STAT1: variants seen among roughly 807,000 people sequenced by gnomAD.
The protein encoded by STAT1 is signal transducer and activator of transcription 1-alpha/beta.
In STAT1, 24 loss-of-function variants were observed where a neutral mutation model predicts 111.7. The observed-to-expected ratio is 0.21, with a 90% CI of 0.16 to 0.30. The LOEUF (loss-of-function observed/expected upper bound fraction) is 0.30, where lower values mean the gene tolerates loss of function less well. Ranked by LOEUF, STAT1 falls within the 10% of genes least tolerant of loss-of-function variation. STAT1 has a pLI of 1.00. For synonymous variants in STAT1, 332 were observed against 326.5 expected, an observed-to-expected ratio of 1.02 and a Z score of -0.18; for missense variants, 351 against 911.9, an observed-to-expected ratio of 0.38 and a Z score of 7.92.
rs548682544 is a variant in STAT1 at position 190,983,162 on chromosome 2, G to A, written c.1446+480C>T. Reference sequence around the variant, plus strand: ...TTAAACAGAAACACACATAAACAATGTTATGCATTGATGGGTTGACAAAAA... The same window carrying A: ...TTAAACAGAAACACACATAAACAATATTATGCATTGATGGGTTGACAAAAA... On this transcript the variant is annotated intron_variant, in intron 17 of 24. Coordinates refer to ENST00000361099, the MANE Select transcript of STAT1 (RefSeq NM_007315.4). The surrounding 1 kb of genome is among the most constrained non-coding windows in gnomAD (Gnocchi z 5.7). Among the ~76,000 whole-genome samples, 14 of 152,292 alleles carry A rather than the reference G, an allele frequency of 9.2e-5. No individual in the cohort carries two copies. The highest frequency in any genetic ancestry group is 6.5e-4 in the Admixed American group (10 of 15,304).
chr2:190,972,338 A>G (rs1488256043), intron 24 of STAT1, among the ~76,000 whole-genome samples: 3 of 152,258 alleles, frequency 2.0e-5, no homozygotes, highest in African/African-American at 4.8e-5. Context: ...GACTGGTTCT[A>G]TTACAGTCCC....
Position 190,993,392 on chromosome 2 carries a change from G to C in STAT1, c.944+1669C>G, listed in dbSNP as rs1693546767. 5.8e-6 allele frequency: 8 copies of C among 1,368,296 alleles called. No homozygotes were observed. The Admixed American group carries it at 1.2e-4, about 20-fold the overall frequency. 84.8% of individuals were successfully genotyped at this position (1,368,296 alleles called of 1,614,324 possible). A position where few individuals can be genotyped will look rare whatever the true frequency, so the allele number is the denominator to read the frequency against. ...TGTGTTCCATATTTGAAGCTTGATTGTTTTCCCGTCTAACTCTATAGTTCT... is the reference window on the plus strand; with the variant it reads ...TGTGTTCCATATTTGAAGCTTGATTCTTTTCCCGTCTAACTCTATAGTTCT... On this transcript the variant is annotated intron_variant, in intron 10 of 24. Coordinates refer to ENST00000361099, the MANE Select transcript of STAT1 (RefSeq NM_007315.4). This position sits in a 1 kb window ranked among gnomAD's most constrained non-coding sequence, Gnocchi z 4.1.
Position 190,977,621 on chromosome 2 carries a change from G to C in STAT1, c.1874-596C>G, listed in dbSNP as rs1043115884. 6.6e-6 allele frequency among the ~76,000 whole-genome samples: 1 copy of C among 152,114 alleles called. No homozygotes were observed. The highest frequency in any genetic ancestry group is 6.5e-5 in the Admixed American group (1 of 15,272). ...CCTAGCTGATACAGAATCTCCCTTT[G>C]GGTGTCGACCTTCCAGAGGCCACGG... On this transcript the variant is annotated intron_variant, in intron 21 of 24. Transcript: ENST00000361099. This position sits in a 1 kb window ranked among gnomAD's most constrained non-coding sequence, Gnocchi z 4.7.
At position 190,996,748 on chromosome 2, in the gene STAT1, T is replaced by C. The variant is rs1693888275; in HGVS notation, c.785+1108A>G. Reference sequence around the variant, plus strand: ...TTTTAAAAACTGGCAATATAGAAAATAACCTCGTGAGATCTCTGGTCCTTG... The same window carrying C: ...TTTTAAAAACTGGCAATATAGAAAACAACCTCGTGAGATCTCTGGTCCTTG... On this transcript the variant is annotated intron_variant, in intron 9 of 24. Transcript: ENST00000361099. The surrounding 1 kb of genome is among the most constrained non-coding windows in gnomAD (Gnocchi z 4.5). 6.6e-6 allele frequency among the ~76,000 whole-genome samples: 1 copy of C among 152,098 alleles called. No individual in the cohort carries two copies. The highest frequency in any genetic ancestry group is 2.4e-5 in the African/African-American group (1 of 41,424).
chr2:191,003,379 T>C lies in STAT1; in HGVS notation c.373-2216A>G, dbSNP rs115622804. Among the ~76,000 whole-genome samples, 1,335 of 152,360 alleles carry C rather than the reference T, an allele frequency of 8.8e-3. 25 individuals carry two copies. The highest frequency in any genetic ancestry group is 0.03 in the African/African-American group (1,257 of 41,580). On this transcript the variant is annotated intron_variant, in intron 5 of 24. Transcript: ENST00000361099. This position sits in a 1 kb window ranked among gnomAD's most constrained non-coding sequence, Gnocchi z 4.0. Reference sequence around the variant, plus strand: ...GTGCAGGGAAATCTTTGCTGTTGTCTAATTCTGACATGGTTTGGATCTGTG... The same window carrying C: ...GTGCAGGGAAATCTTTGCTGTTGTCCAATTCTGACATGGTTTGGATCTGTG...
rs886055375 is a variant in STAT1, at chr2:190,969,771, T to C, written c.*932A>G. ...ACTCCTTTCCCAATTTTGTGGCTAA[T>C]AGACTAAATACCACCCTAATAACAA... is the stretch of plus-strand genomic sequence containing the variant. On this transcript the variant is annotated 3_prime_UTR_variant, in exon 25 of 25. Transcript: ENST00000361099. The C allele has an allele frequency of 6.6e-6, 1 of 152,212 alleles. No individual in the cohort carries two copies. Among genetic ancestry groups the C allele is most frequent in the Non-Finnish European group, 1.5e-5 (1 of 68,010 alleles). 9.4% of individuals were successfully genotyped at this position (152,212 alleles called of 1,614,324 possible).
intron 4 of STAT1, chr2:191,008,068 T>G (rs546693659): frequency 2.1e-4 from 92 of 447,600 alleles, no homozygotes; most frequent in Non-Finnish European, 3.6e-4. Context: ...ACCAAAGATA[T>G]TCATCTAGGG....
rs1427459313 is a variant in STAT1 at position 190,978,495 on chromosome 2, C to G, written c.1873+361G>C. ...GCCTGTCTCATCTGCACACTCTACT[C>G]TGGGATGACCCTAAGAGAATGTGGA... On this transcript the variant is annotated intron_variant, in intron 21 of 24. Coordinates refer to ENST00000361099, the MANE Select transcript of STAT1 (RefSeq NM_007315.4). This position sits in a 1 kb window ranked among gnomAD's most constrained non-coding sequence, Gnocchi z 6.1. 2.8e-6 allele frequency: 1 copy of G among 355,534 alleles called. No individual in the cohort carries two copies. Among genetic ancestry groups the G allele is most frequent in the Non-Finnish European group, 5.5e-6 (1 of 180,894 alleles). 22.0% of individuals were successfully genotyped at this position (355,534 alleles called of 1,614,324 possible).
At position 191,007,583 on chromosome 2, in the gene STAT1, T is replaced by A. The variant is rs1434958612; in HGVS notation, c.352A>T (p.Asn118Tyr). The A allele has an allele frequency of 1.9e-6, 3 of 1,613,536 alleles. No homozygotes were observed. The highest frequency in any genetic ancestry group is 2.5e-6 in the Non-Finnish European group (3 of 1,179,658). The stretch of plus-strand genomic sequence containing the variant: ...AGTACCTGATTAAATCTCTGGGCGT[T>A]TTCCAGAATTTTCCTTTCTTCCTTC... ...CLKEERKILENAQRFNQAQSG... is the reference protein window; with the variant it reads ...CLKEERKILEYAQRFNQAQSG... The change falls in exon 5 of 25, where the codon AAC becomes TAC. Residue 118 changes from asparagine to tyrosine, a missense_variant. Asn to Tyr is a moderately radical substitution (Grantham distance 143). Coordinates refer to ENST00000361099, the MANE Select transcript of STAT1 (RefSeq NM_007315.4). The surrounding 1 kb of genome is among the most constrained non-coding windows in gnomAD (Gnocchi z 4.2).
intron 2 of STAT1, 93 bp downstream of exon 2, chr2:191,013,432 A>C: frequency 2.6e-6 from 1 of 390,294 alleles, no homozygotes. Context: ...AACTCTAGGA[A>C]GACATTAAGC....
In STAT1 at chr2:191,007,938, C is replaced by T. The variant is rs1694829681; in HGVS notation, c.274-277G>A. Reference sequence around the variant, plus strand: ...TCACATAATATTTTTACTTTAATATCTTTCCATATTTCTTAAGGCCAATTA... The same window carrying T: ...TCACATAATATTTTTACTTTAATATTTTTCCATATTTCTTAAGGCCAATTA... On this transcript the variant is annotated intron_variant, in intron 4 of 24. Transcript: ENST00000361099. This position sits in a 1 kb window ranked among gnomAD's most constrained non-coding sequence, Gnocchi z 4.2. 3.9e-6 allele frequency: 2 copies of T among 509,232 alleles called. No individual in the cohort carries two copies. Among genetic ancestry groups the T allele is most frequent in the Non-Finnish European group, 7.4e-6 (2 of 270,850 alleles). The allele number at this position is 509,232 out of a possible 1,614,324, so 31.5% of individuals were successfully genotyped here.
intron 5 of STAT1, 73 bp from the exon 6 acceptor site, chr2:191,001,236 C>T (rs1484421240): frequency 1.0e-5 from 12 of 1,145,756 alleles, no homozygotes; most frequent in African/African-American, 4.6e-5. Flanking sequence ...ACTCCAAAGT[C>T]AAGTCCCCAC....
chr2:190,992,474 TA>T (rs555870517), intron 10 of STAT1, among the ~76,000 whole-genome samples: 4,528 of 145,894 alleles, frequency 0.031, 212 homozygotes, highest in African/African-American at 0.1. Flanking sequence ...GTCAAGAGAA[TA>T]AAAAAAAAAA....
rs888240033 is a variant in STAT1, at chr2:190,989,313, G to C, written c.1097+302C>G. ...TTTTGTTCATTTATAGTCTAAAAAG[G>C]CACAGGAATGTTGATACCAGCTCCA... On this transcript the variant is annotated intron_variant, in intron 12 of 24. Transcript: ENST00000361099. This position sits in a 1 kb window ranked among gnomAD's most constrained non-coding sequence, Gnocchi z 5.0. Among the ~76,000 whole-genome samples, 5 of 152,158 alleles carry C rather than the reference G, an allele frequency of 3.3e-5. No individual in the cohort carries two copies. The highest frequency in any genetic ancestry group is 1.3e-4 in the Admixed American group (2 of 15,264).
Position 191,007,428 on chromosome 2 carries a change from C to A in STAT1, c.372+135G>T, listed in dbSNP as rs924259246. 10 of 690,674 alleles carry A rather than the reference C, an allele frequency of 1.4e-5. No homozygotes were observed. Among genetic ancestry groups the A allele is most frequent in the Non-Finnish European group, 2.2e-5 (9 of 404,054 alleles). The allele number at this position is 690,674 out of a possible 1,614,324, so 42.8% of individuals were successfully genotyped here. ...GCCTGGTTCTATAAAATCTCTAAAT[C>A]TGATTCTCCCACTTCTTGGGGCTAT... On this transcript the variant is annotated intron_variant, in intron 5 of 24. Transcript: ENST00000361099. This position sits in a 1 kb window ranked among gnomAD's most constrained non-coding sequence, Gnocchi z 4.2.
rs1045157546 is a variant in STAT1, at chr2:191,003,471, G to A, written c.373-2308C>T. On this transcript the variant is annotated intron_variant, in intron 5 of 24. Coordinates refer to ENST00000361099, the MANE Select transcript of STAT1 (RefSeq NM_007315.4). This position sits in a 1 kb window ranked among gnomAD's most constrained non-coding sequence, Gnocchi z 4.0. Reference sequence around the variant, plus strand: ...GGTGGGGCCTGGTGGAAGGTGACTGGATCACGGGGACAGTTTCTCATGAAT... The same window carrying A: ...GGTGGGGCCTGGTGGAAGGTGACTGAATCACGGGGACAGTTTCTCATGAAT... Among the ~76,000 whole-genome samples the A allele has an allele frequency of 2.6e-5, 4 of 152,206 alleles. No homozygotes were observed. The highest frequency in any genetic ancestry group is 7.2e-5 in the African/African-American group (3 of 41,448).
In STAT1 at chr2:190,973,804, A is replaced by G. The variant is rs1268155874; in HGVS notation, c.2238+1026T>C. Among the ~76,000 whole-genome samples the G allele has an allele frequency of 2.0e-5, 3 of 152,172 alleles. No homozygotes were observed. The highest frequency in any genetic ancestry group is 4.4e-5 in the Non-Finnish European group (3 of 68,032). ...GAAAGTGTAGGAAGGTACAATCTCT[A>G]ATGATTGTAGCCCGTGCTTAAGGTG... On this transcript the variant is annotated intron_variant, in intron 24 of 24. Transcript: ENST00000361099. This position sits in a 1 kb window ranked among gnomAD's most constrained non-coding sequence, Gnocchi z 4.4.
Position 190,991,359 on chromosome 2 carries a change from C to T in STAT1, c.945-39G>A, listed in dbSNP as rs376847432. 1.3e-5 allele frequency: 21 copies of T among 1,594,836 alleles called. No individual in the cohort carries two copies. In the South Asian group the frequency reaches 2.0e-4, roughly 15 times the overall value. ...GCAAAGGATAGATAAGTTAGCATTTCCATTAAGGTTGAGGCAATCACAATG... is the reference window on the plus strand; with the variant it reads ...GCAAAGGATAGATAAGTTAGCATTTTCATTAAGGTTGAGGCAATCACAATG... On this transcript the variant is annotated intron_variant, in intron 10 of 24. Transcript: ENST00000361099.
chr2:190,994,928 ATATATATAT>A (rs574148958), intron 10 of STAT1, 124 bp downstream of exon 10: 4,539 of 111,660 alleles, frequency 0.041, 230 homozygotes, highest in Admixed American at 0.14. Flanking sequence ...AAAAAAAAAA[ATATATATAT>A]ATATATATAT....
Sources: allele counts gnomAD v4.1 joint callset (sites outside exome capture counted in the v4.1 genomes callset), GRCh38; gene constraint gnomAD v4.1.1; non-coding constraint Gnocchi (gnomAD v3.1); transcripts MANE v1.5; gene names NCBI Gene and HGNC (gene_info 2026-07-23, HGNC 2026-07-21).